Variants in STRN3 observed in about 807,000 individuals in gnomAD.
STRN3 encodes the protein striatin 3.
STRN3 carries 29 observed loss-of-function variants against 95.6 expected under a neutral mutation model. The ratio of observed to expected loss-of-function variants is 0.30; its 90% CI spans 0.23 to 0.41. STRN3 has a LOEUF of 0.41. Among genes scored for constraint, STRN3 ranks in the 10% least tolerant of loss-of-function variants. The probability of loss-of-function intolerance (pLI) is 1.00; values close to 1 mark genes in which losing one functional copy is unlikely to be tolerated. For missense variants in STRN3, 890 were observed against 972.1 expected, an observed-to-expected ratio of 0.92 and a Z score of 1.12; for synonymous variants, 331 against 357.6, an observed-to-expected ratio of 0.93 and a Z score of 0.84.
Position 31,026,356 on chromosome 14 carries a change from G to A in STRN3, c.-171C>T. ...TCAGAGCAGGGAGCTGCCGGCTGCC[G>A]CCATTACAATCCCTCCTCCATCTGC... On this transcript the variant is annotated 5_prime_UTR_variant, in exon 1 of 18. Coordinates refer to ENST00000357479, the MANE Select transcript of STRN3 (RefSeq NM_001083893.2). 5.3e-6 allele frequency: 2 copies of A among 380,940 alleles called. No homozygotes were observed. Among genetic ancestry groups the A allele is most frequent in the East Asian group, 1.1e-4 (1 of 8,814 alleles). 23.6% of individuals were successfully genotyped at this position (380,940 alleles called of 1,614,324 possible).
chr14:30,918,761 A>G (rs538014706), intron 9 of STRN3, among the ~76,000 whole-genome samples: 8 of 152,294 alleles, frequency 5.3e-5, no homozygotes, highest in African/African-American at 1.9e-4. Flanking sequence ...CCTCACATTA[A>G]AAACAAAAAC....
At chr14:31,006,617 C>A (rs566094641) in intron 1 of STRN3, among the ~76,000 whole-genome samples, 10 of 152,180 alleles carry the variant, frequency 6.6e-5, no homozygotes, top group African/African-American at 2.2e-4. Flanking sequence ...ATCACTTGAA[C>A]CTGGGAGGCA....
At chr14:30,929,370 G>A (rs1878365103) in intron 7 of STRN3, 59 bp from the exon 8 acceptor site, 2 of 1,276,068 alleles carry the variant, frequency 1.6e-6, no homozygotes, top group East Asian at 2.3e-5. Context: ...CAAGCTGTTG[G>A]CAGTAAACTG....
intron 13 of STRN3, among the ~76,000 whole-genome samples, chr14:30,908,861 T>C (rs568351553): frequency 6.6e-6 from 1 of 152,358 alleles, no homozygotes; most frequent in South Asian, 2.1e-4. Flanking sequence ...TAATGTATTA[T>C]TTGTATAGAG....
chr14:31,010,967 C>T (rs1441613116), intron 1 of STRN3, among the ~76,000 whole-genome samples: 4 of 152,130 alleles, frequency 2.6e-5, no homozygotes, highest in East Asian at 1.9e-4. Context: ...TGAACCCAGG[C>T]AGCAGAGGTT....
At chr14:30,909,604 A>G (rs1476150793) in intron 13 of STRN3, among the ~76,000 whole-genome samples, 2 of 152,058 alleles carry the variant, frequency 1.3e-5, no homozygotes, top group Non-Finnish European at 2.9e-5. Context: ...CAGCCTCCCG[A>G]GTGTCTGGGA....
intron 1 of STRN3, among the ~76,000 whole-genome samples, chr14:30,992,539 G>A (rs963170241): frequency 2.9e-5 from 4 of 138,958 alleles, no homozygotes; most frequent in Admixed American, 1.5e-4. Flanking sequence ...AAGAGTGAGC[G>A]CCACAGTGCC....
rs117231111 is a variant in STRN3, at chr14:30,929,773, T to G, written c.989-462A>C. 4.6e-3 allele frequency among the ~76,000 whole-genome samples: 703 copies of G among 152,018 alleles called. 3 individuals are homozygous for G. Among genetic ancestry groups the G allele is most frequent in the Non-Finnish European group, 8.2e-3 (557 of 67,896 alleles). On this transcript the variant is annotated intron_variant, in intron 7 of 17. Coordinates refer to ENST00000357479, the MANE Select transcript of STRN3 (RefSeq NM_001083893.2). ...CATGCACCTTCTGTCATACTGATTC[T>G]GCATGCACAGGATTAACTGTACTAA...
chr14:30,929,733 A>G lies in STRN3; in HGVS notation c.989-422T>C, dbSNP rs533533846. ...AAGCTAGAAAGGTAAGTGCTGTTTC[A>G]TTGATGAAAATATTCATGCACCTTC... On this transcript the variant is annotated intron_variant, in intron 7 of 17. Coordinates refer to ENST00000357479, the MANE Select transcript of STRN3 (RefSeq NM_001083893.2). Among the ~76,000 whole-genome samples the G allele has an allele frequency of 4.6e-5, 7 of 152,160 alleles. No homozygotes were observed. The South Asian group carries it at 1.5e-3, about 32-fold the overall frequency.
chr14:30,993,122 AGGCT>A, intron 1 of STRN3, among the ~76,000 whole-genome samples: 1 of 152,284 alleles, frequency 6.6e-6, no homozygotes, highest in East Asian at 1.9e-4. Flanking sequence ...CTAGCCAGGT[AGGCT>A]GGCATGTGCC....
At chr14:30,971,668 C>T (rs1415993069) in intron 1 of STRN3, among the ~76,000 whole-genome samples, 1 of 152,130 alleles carries the variant, frequency 6.6e-6, no homozygotes. Context: ...AACAGCACCG[C>T]CCCTAATAAA....
intron 1 of STRN3, among the ~76,000 whole-genome samples, chr14:30,995,663 G>A (rs1882163005): frequency 6.6e-6 from 1 of 152,042 alleles, no homozygotes; most frequent in African/African-American, 2.4e-5. Context: ...CTTATTATCA[G>A]TAAAAACATA....
At chr14:31,002,135 CA>C (rs1882483347) in intron 1 of STRN3, among the ~76,000 whole-genome samples, 1 of 126,836 alleles carries the variant, frequency 7.9e-6, no homozygotes, top group African/African-American at 3.0e-5. Flanking sequence ...CATTGCACTC[CA>C]GCCTGGGCAA....
At chr14:30,906,547 T>A (rs1400036104) in intron 14 of STRN3, among the ~76,000 whole-genome samples, 22 of 152,172 alleles carry the variant, frequency 1.4e-4, no homozygotes, top group Admixed American at 1.4e-3. Context: ...GAGACTGTGA[T>A]CCCTTCGGTC....
Position 30,895,104 on chromosome 14 carries a change from A to C in STRN3, c.*307T>G, listed in dbSNP as rs1896106393. 3.6e-6 allele frequency: 1 copy of C among 279,050 alleles called. No homozygotes were observed. Among genetic ancestry groups the C allele is most frequent in the Admixed American group, 5.4e-5 (1 of 18,638 alleles). The allele number at this position is 279,050 out of a possible 1,614,324, so 17.3% of individuals were successfully genotyped here. A position where few individuals can be genotyped will look rare whatever the true frequency, so the allele number is the denominator to read the frequency against. On this transcript the variant is annotated 3_prime_UTR_variant, in exon 18 of 18. Coordinates refer to ENST00000357479, the MANE Select transcript of STRN3 (RefSeq NM_001083893.2). The stretch of plus-strand genomic sequence containing the variant: ...AGAAGAAGAAGAAGAGAAAAAAAAA[A>C]ACTTTTTTGAAAGATCAGACTCCAC...
chr14:30,960,868 CA>C lies in STRN3; in HGVS notation c.283-4627del, dbSNP rs56227331. ...TGGGCCACAGAGTGAGACTCCATCT[CA>C]AAAAAAAAAAAAAAAAAAAAATAGA... On this transcript the variant is annotated intron_variant, in intron 1 of 17. Transcript: ENST00000357479. Among the ~76,000 whole-genome samples the C allele has an allele frequency of 6.3e-3, 301 of 47,630 alleles. 1 individual carries two copies. Among genetic ancestry groups the C allele is most frequent in the East Asian group, 7.9e-3 (17 of 2,146 alleles). 31.2% of individuals were successfully genotyped at this position (47,630 alleles called of 152,430 possible). A position where few individuals can be genotyped will look rare whatever the true frequency, so the allele number is the denominator to read the frequency against.
At chr14:30,960,310 C>G (rs1001236460) in intron 1 of STRN3, among the ~76,000 whole-genome samples, 3 of 152,126 alleles carry the variant, frequency 2.0e-5, no homozygotes, top group African/African-American at 7.2e-5. Flanking sequence ...TGCACTCCAA[C>G]CCGGGCAACA....
chr14:30,956,099 T>C (rs1879889934), intron 2 of STRN3, 40 bp downstream of exon 2: 2 of 1,548,260 alleles, frequency 1.3e-6, no homozygotes, highest in Non-Finnish European at 1.8e-6. Context: ...AGTATACTAT[T>C]GTTCTACTTT....
intron 3 of STRN3, among the ~76,000 whole-genome samples, chr14:30,951,321 G>A (rs963305709): frequency 1.3e-5 from 2 of 151,768 alleles, no homozygotes; most frequent in African/African-American, 2.4e-5. Context: ...CTGCAGTCTC[G>A]ACTTCTCTGG....
Sources: gnomAD v4.1 joint callset for allele counts (sites outside exome capture counted in the v4.1 genomes callset) on GRCh38, gnomAD v4.1.1 for gene constraint, MANE v1.5 for transcripts, NCBI Gene and HGNC (gene_info 2026-07-23, HGNC 2026-07-21) for gene names.